SUMF2: variants seen among roughly 807,000 people sequenced by gnomAD.
SUMF2 encodes inactive C-alpha-formylglycine-generating enzyme 2.
A neutral mutation model predicts 44.8 loss-of-function variants in SUMF2; 45 were observed. The ratio of observed to expected loss-of-function variants is 1.00; its 90% CI spans 0.79 to 1.29. SUMF2 has a LOEUF of 1.29. Among genes scored for constraint, SUMF2 ranks in the 50% most tolerant of loss-of-function variants. The pLI is 0.00. For synonymous variants in SUMF2, 148 were observed against 150.4 expected (o/e 0.98, Z 0.12); for missense variants, 418 against 389.9 (o/e 1.07, Z -0.61).
chr7:56,087,719 G>A, the SUMF2 span: 48 of 1,613,678 alleles, frequency 3.0e-5, no homozygotes, highest in Admixed American at 1.7e-4. Context: ...TGACCTTCAC[G>A]GCGTACTCCT....
At chr7:56,068,065 C>G (rs187018598) in intron 1 of SUMF2, among the ~76,000 whole-genome samples, 5 of 139,962 alleles carry the variant, frequency 3.6e-5, no homozygotes, top group African/African-American at 1.1e-4. Flanking sequence ...GACAGAGTCT[C>G]GCTCTGTTGC....
chr7:56,084,212 T>C (rs1292089512), downstream of SUMF2: 6 of 1,534,134 alleles, frequency 3.9e-6, no homozygotes, highest in Non-Finnish European at 5.2e-6. Flanking sequence ...GCACCATTTC[T>C]GTTCCATCTC....
downstream of SUMF2, chr7:56,081,621 G>GCTTA: frequency 6.2e-7 from 1 of 1,613,320 alleles, no homozygotes; most frequent in Non-Finnish European, 8.5e-7. This position sits in a 1 kb window ranked among gnomAD's most constrained non-coding sequence, Gnocchi z 4.6. Context: ...GGATCAGGAC[G>GCTTA]CTTAGTACCT....
the SUMF2 span, among the ~76,000 whole-genome samples, chr7:56,086,085 C>A: frequency 1.3e-5 from 2 of 151,640 alleles, no homozygotes; most frequent in East Asian, 1.9e-4. Context: ...TGCTGACCGA[C>A]CTTACATCCT....
chr7:56,068,754 A>T, intron 2 of SUMF2, 116 bp downstream of exon 2: 6 of 1,269,490 alleles, frequency 4.7e-6, no homozygotes. Context: ...CAGGTGCTGG[A>T]GTGCAGTGGC....
intron 2 of SUMF2, among the ~76,000 whole-genome samples, 182 bp downstream of exon 2, chr7:56,068,820 C>T (rs1368592117): frequency 4.6e-5 from 7 of 151,508 alleles, no homozygotes; most frequent in East Asian, 3.9e-4. Context: ...CTCCTGCCTT[C>T]GCCTGCCGAG....
At chr7:56,081,144 C>A (rs967624230), downstream of SUMF2, 1 of 1,613,894 alleles carries the variant, frequency 6.2e-7, no homozygotes, top group Admixed American at 1.7e-5. This position sits in a 1 kb window ranked among gnomAD's most constrained non-coding sequence, Gnocchi z 4.6. Context: ...CCTTCTTCAC[C>A]CAGTGGCCAT....
At chr7:56,068,715 GT>G in intron 2 of SUMF2, 77 bp downstream of exon 2, 1 of 1,275,568 alleles carries the variant, frequency 7.8e-7, no homozygotes, top group Non-Finnish European at 1.0e-6. Context: ...TTTTTTTTTT[GT>G]TTTTTGAGAC....
chr7:56,073,240 A>T, intron 3 of SUMF2, 129 bp downstream of exon 3: 1 of 747,592 alleles, frequency 1.3e-6, no homozygotes. Context: ...GGGAAGCAAG[A>T]GAAACTCACC....
intron 6 of SUMF2, among the ~76,000 whole-genome samples, 158 bp downstream of exon 6, chr7:56,077,047 CTTTTT>C (rs949808656): frequency 7.4e-6 from 1 of 135,350 alleles, no homozygotes; most frequent in Non-Finnish European, 1.6e-5. Flanking sequence ...TAAGTGCTTT[CTTTTT>C]TTTTTTTTTT....
At chr7:56,083,494 G>A (rs1796116880), downstream of SUMF2, 2 of 1,594,316 alleles carry the variant, frequency 1.3e-6, no homozygotes, top group Admixed American at 3.3e-5. Context: ...TCAGGTAACA[G>A]GCAGGGAGAC....
At chr7:56,069,484 C>T (rs1795022220) in intron 2 of SUMF2, among the ~76,000 whole-genome samples, 1 of 151,946 alleles carries the variant, frequency 6.6e-6, no homozygotes, top group Non-Finnish European at 1.5e-5. Flanking sequence ...TATACATACA[C>T]ACACATATAT....
Position 56,079,771 on chromosome 7 carries a change from G to T in SUMF2, c.*159G>T. 6.4e-7 allele frequency: 1 copy of T among 1,558,038 alleles called. No homozygotes were observed. ...TCTGTGGCAGGCGCCTCTCACCAGG[G>T]CAGGAGAGGACTCAGCCTCCTGTGT... On this transcript the variant is annotated 3_prime_UTR_variant, in exon 9 of 9. Coordinates refer to ENST00000434526, the MANE Select transcript of SUMF2 (RefSeq NM_015411.4).
At chr7:56,086,944 G>A in the SUMF2 span, 1 of 1,594,928 alleles carries the variant, frequency 6.3e-7, no homozygotes, top group Non-Finnish European at 8.6e-7. Flanking sequence ...TCTCAGGTGT[G>A]GCTTGCTCCA....
At chr7:56,084,180 A>G, downstream of SUMF2, 1 of 1,534,444 alleles carries the variant, frequency 6.5e-7, no homozygotes, top group Non-Finnish European at 8.7e-7. Flanking sequence ...AAGTTGGTGG[A>G]CTTGGGAGAG....
chr7:56,065,207 A>G (rs1342387876), intron 1 of SUMF2, among the ~76,000 whole-genome samples: 1 of 151,184 alleles, frequency 6.6e-6, no homozygotes, highest in African/African-American at 2.4e-5. Flanking sequence ...AAAAAAAAAA[A>G]AAAAAGGAAA....
intron 5 of SUMF2, 54 bp from the exon 6 acceptor site, chr7:56,076,780 C>A: frequency 1.3e-6 from 2 of 1,487,762 alleles, no homozygotes; most frequent in South Asian, 1.3e-5. Flanking sequence ...TTCTTTTTTC[C>A]TTCCCTAATT....
Position 56,079,546 on chromosome 7 carries a change from T to C in SUMF2, c.840T>C (p.Asp280=). The C allele has an allele frequency of 6.2e-7, 1 of 1,613,586 alleles. No individual in the cohort carries two copies. Among genetic ancestry groups the C allele is most frequent in the Non-Finnish European group, 8.5e-7 (1 of 1,179,566 alleles). The change falls in exon 9 of 9, where the codon GAT becomes GAC. Residue 280 remains aspartate (D), a synonymous_variant. Coordinates refer to ENST00000434526, the MANE Select transcript of SUMF2 (RefSeq NM_015411.4). ...CTGGCAGGATGGGCAACACTCCAGATTCAGCCTCAGACAACCTCGGTTTCC... is the reference window on the plus strand; with the variant it reads ...CTGGCAGGATGGGCAACACTCCAGACTCAGCCTCAGACAACCTCGGTTTCC... ...RVTTRMGNTP[D]SASDNLGFRC...
chr7:56,070,514 C>A (rs1406295081), intron 2 of SUMF2, among the ~76,000 whole-genome samples: 1 of 151,640 alleles, frequency 6.6e-6, no homozygotes, highest in African/African-American at 2.4e-5. Flanking sequence ...CTTGTAGTCT[C>A]AGCTATTAGG....
Sources: gnomAD v4.1 joint callset for allele counts (sites outside exome capture counted in the v4.1 genomes callset) on GRCh38, gnomAD v4.1.1 for gene constraint, Gnocchi (gnomAD v3.1) non-coding constraint, MANE v1.5 for transcripts, NCBI Gene and HGNC (gene_info 2026-07-23, HGNC 2026-07-21) for gene names.